The following ADORA2B variants were observed in gnomAD, a reference collection of about 807,000 sequenced individuals.
ADORA2B encodes the protein adenosine receptor A2b.
Under a neutral mutation model 20.8 loss-of-function variants are expected in ADORA2B, and 18 were observed. The ratio of observed to expected loss-of-function variants is 0.87; its 90% CI spans 0.60 to 1.29. The LOEUF is 1.29. Ranked by LOEUF, ADORA2B falls within the 50% of genes most tolerant of loss-of-function variation. ADORA2B has a pLI of 0.00. For missense variants in ADORA2B, 441 were observed against 422.7 expected (o/e 1.04, Z -0.38); for synonymous variants, 179 against 178.3 (o/e 1.00, Z -0.03).
At chr17:15,942,182 G>C (rs886663394), upstream of ADORA2B, among the ~76,000 whole-genome samples, 6 of 152,138 alleles carry the variant, frequency 3.9e-5, no homozygotes, top group African/African-American at 1.4e-4. Context: ...CAGTGTTGGA[G>C]GTGGGGCCTA....
chr17:15,954,631 A>G (rs1969944488), intron 1 of ADORA2B, among the ~76,000 whole-genome samples: 1 of 152,100 alleles, frequency 6.6e-6, no homozygotes, highest in Admixed American at 6.5e-5. Flanking sequence ...GCCTGGTGCA[A>G]TGGCTCGCAC....
the ADORA2B span, among the ~76,000 whole-genome samples, chr17:15,853,297 A>G: frequency 6.6e-6 from 1 of 152,180 alleles, no homozygotes; most frequent in African/African-American, 2.4e-5. Flanking sequence ...CAAAAGGAAG[A>G]TGCTTTCAGT....
At chr17:15,920,122 A>G in the ADORA2B span, among the ~76,000 whole-genome samples, 5 of 152,136 alleles carry the variant, frequency 3.3e-5, no homozygotes, top group African/African-American at 1.2e-4. Flanking sequence ...GTTTTCAGAA[A>G]CTCAAATACT....
At chr17:15,917,627 C>T in the ADORA2B span, among the ~76,000 whole-genome samples, 1 of 152,244 alleles carries the variant, frequency 6.6e-6, no homozygotes, top group East Asian at 1.9e-4. Context: ...CCAGCAATCT[C>T]GCGCTCCCGG....
At chr17:15,916,503 G>T in the ADORA2B span, among the ~76,000 whole-genome samples, 2 of 151,382 alleles carry the variant, frequency 1.3e-5, no homozygotes, top group Admixed American at 1.3e-4. Context: ...GCGTGAGAGG[G>T]TCGTGATCAA....
the ADORA2B span, among the ~76,000 whole-genome samples, chr17:15,874,668 A>T: frequency 6.6e-6 from 1 of 152,196 alleles, no homozygotes; most frequent in South Asian, 2.1e-4. Context: ...CTCCAGTCTG[A>T]GCAACAAAGA....
chr17:15,858,667 C>G, the ADORA2B span: 2 of 152,744 alleles, frequency 1.3e-5, no homozygotes, highest in African/African-American at 4.8e-5. Context: ...CGCACACACA[C>G]ACGCACCTGT....
the ADORA2B span, among the ~76,000 whole-genome samples, chr17:15,904,932 A>G: frequency 6.6e-6 from 1 of 152,152 alleles, no homozygotes; most frequent in Non-Finnish European, 1.5e-5. Context: ...CCTTACCAAT[A>G]CTACACTGTC....
At chr17:15,895,082 G>T in the ADORA2B span, among the ~76,000 whole-genome samples, 1 of 152,104 alleles carries the variant, frequency 6.6e-6, no homozygotes, top group African/African-American at 2.4e-5. Context: ...CTTCTTGGGC[G>T]AGGTCAGTAT....
the ADORA2B span, among the ~76,000 whole-genome samples, chr17:15,854,154 C>T: frequency 6.6e-6 from 1 of 152,172 alleles, no homozygotes; most frequent in African/African-American, 2.4e-5. Context: ...GGGGTTTCTC[C>T]ATGTGGGTCA....
At chr17:15,928,323 G>A in the ADORA2B span, among the ~76,000 whole-genome samples, 2 of 152,084 alleles carry the variant, frequency 1.3e-5, no homozygotes, top group Non-Finnish European at 2.9e-5. Flanking sequence ...AAAGGGATGT[G>A]GGATTAGGGA....
At chr17:15,899,194 C>T in the ADORA2B span, among the ~76,000 whole-genome samples, 1 of 151,716 alleles carries the variant, frequency 6.6e-6, no homozygotes, top group Non-Finnish European at 1.5e-5. Flanking sequence ...AGCACCACTG[C>T]ACTCCAGCCT....
Position 15,974,668 on chromosome 17 carries a change from C to A in ADORA2B, c.336-11C>A. The A allele has an allele frequency of 6.2e-7, 1 of 1,608,772 alleles. No homozygotes were observed. On this transcript the variant is annotated splice_polypyrimidine_tract_variant and intron_variant, in intron 1 of 1. Coordinates refer to ENST00000304222, the MANE Select transcript of ADORA2B (RefSeq NM_000676.4). ...TAAACTGACCGTAACAGATGGTATT[C>A]TTTTAAACAGGTATAAAAGTTTGGT...
chr17:15,954,670 G>A (rs1969945213), intron 1 of ADORA2B, among the ~76,000 whole-genome samples: 1 of 152,230 alleles, frequency 6.6e-6, no homozygotes, highest in African/African-American at 2.4e-5. Flanking sequence ...GGGAGGCTGA[G>A]GCAGGAGGAT....
chr17:15,928,641 A>G, the ADORA2B span, among the ~76,000 whole-genome samples: 2 of 152,208 alleles, frequency 1.3e-5, no homozygotes, highest in African/African-American at 4.8e-5. Context: ...TCTGGAGAAC[A>G]TGCAGTTACT....
chr17:15,863,176 A>G, the ADORA2B span, among the ~76,000 whole-genome samples: 528 of 152,302 alleles, frequency 3.5e-3, 1 homozygote, highest in Non-Finnish European at 5.1e-3. Flanking sequence ...CCAGAAATGC[A>G]TACAGGAAGG....
the ADORA2B span, among the ~76,000 whole-genome samples, chr17:15,874,066 GTGTA>G: frequency 0.21 from 29,702 of 139,664 alleles, 3,479 homozygotes; most frequent in Non-Finnish European, 0.27. Context: ...ATATGTGTGT[GTGTA>G]TATATATATA....
At chr17:15,942,154 A>G (rs1969750973), upstream of ADORA2B, among the ~76,000 whole-genome samples, 2 of 152,158 alleles carry the variant, frequency 1.3e-5, no homozygotes, top group Non-Finnish European at 2.9e-5. Flanking sequence ...CCCAAATCTC[A>G]TGCTGAAATG....
chr17:15,909,139 G>C, the ADORA2B span, among the ~76,000 whole-genome samples: 1 of 152,002 alleles, frequency 6.6e-6, no homozygotes, highest in Non-Finnish European at 1.5e-5. Context: ...GGTCAAGTAT[G>C]ATCAAGCCAC....
Sources: allele counts gnomAD v4.1 joint callset (sites outside exome capture counted in the v4.1 genomes callset), GRCh38; gene constraint gnomAD v4.1.1; transcripts MANE v1.5; gene names NCBI Gene and HGNC (gene_info 2026-07-23, HGNC 2026-07-21).